The following DHRS4L2 variants were observed in gnomAD, a reference collection of about 807,000 sequenced individuals.
DHRS4L2 encodes the protein dehydrogenase/reductase SDR family member 4-like 2.
In DHRS4L2, 22 loss-of-function variants were observed where a neutral mutation model predicts 23.9. That is an observed-to-expected ratio of 0.92 (90% confidence interval 0.66 to 1.31). The LOEUF (loss-of-function observed/expected upper bound fraction) is 1.31, where lower values mean the gene tolerates loss of function less well. DHRS4L2 is among the 40% of genes most tolerant of loss of function. DHRS4L2 has a pLI of 0.00. For synonymous variants in DHRS4L2, 141 were observed against 123.7 expected (o/e 1.14, Z -0.93); for missense variants, 385 against 303.3 (o/e 1.27, Z -2.00).
chr14:24,001,117 A>G, intron 5 of DHRS4L2, 33 bp downstream of exon 5: 4 of 1,609,096 alleles, frequency 2.5e-6, no homozygotes, highest in Non-Finnish European at 3.4e-6. Context: ...CTTCCATCCC[A>G]CCCTCCACTC....
At chr14:24,004,221 A>G in intron 6 of DHRS4L2, 116 bp from the exon 7 acceptor site, 1 of 1,278,550 alleles carries the variant, frequency 7.8e-7, no homozygotes, top group South Asian at 1.6e-5. Context: ...GTGAGCCAAG[A>G]TAGCGCCACT....
In DHRS4L2 at chr14:24,001,094, C is replaced by T. The variant is rs746513093; in HGVS notation, c.531+10C>T. 5 of 1,610,716 alleles carry T rather than the reference C, an allele frequency of 3.1e-6. No individual in the cohort carries two copies. Among genetic ancestry groups the T allele is most frequent in the Non-Finnish European group, 3.4e-6 (4 of 1,179,304 alleles). The stretch of plus-strand genomic sequence containing the variant: ...CTTCAGTCCATCTCCTGTAAGAACC[C>T]TTTTGTCTACCTCTTCCATCCCACC... On this transcript the variant is annotated intron_variant, in intron 5 of 7. Transcript: ENST00000335125.
chr14:23,991,818 C>A (rs1194149347), intron 2 of DHRS4L2, among the ~76,000 whole-genome samples: 3 of 150,468 alleles, frequency 2.0e-5, no homozygotes, highest in Non-Finnish European at 4.4e-5. Flanking sequence ...CTCACTGCAA[C>A]CTACGCCTCC....
intron 3 of DHRS4L2, among the ~76,000 whole-genome samples, chr14:23,999,368 A>C (rs1213745534): frequency 1.5e-4 from 16 of 103,948 alleles, no homozygotes; most frequent in Admixed American, 3.8e-4. Context: ...AAAAAAAAAA[A>C]AAAAAACAAT....
chr14:23,999,257 C>T, intron 3 of DHRS4L2, among the ~76,000 whole-genome samples: 1 of 145,494 alleles, frequency 6.9e-6, no homozygotes, highest in Non-Finnish European at 1.5e-5. Flanking sequence ...CCAAGAATTA[C>T]CAAAATGTGA....
intron 2 of DHRS4L2, among the ~76,000 whole-genome samples, chr14:23,994,611 C>T (rs2034339926): frequency 6.6e-6 from 1 of 151,574 alleles, no homozygotes; most frequent in South Asian, 2.1e-4. Context: ...TGGCTTGAAC[C>T]CAGTAGGTCA....
intron 3 of DHRS4L2, among the ~76,000 whole-genome samples, chr14:23,996,881 C>T (rs1463131803): frequency 2.0e-5 from 3 of 152,144 alleles, no homozygotes; most frequent in African/African-American, 4.8e-5. Context: ...CTGATCCCCA[C>T]ACCTCAGCCC....
chr14:23,975,050 C>G (rs910728567), intron 1 of DHRS4L2, among the ~76,000 whole-genome samples: 1 of 151,780 alleles, frequency 6.6e-6, no homozygotes, highest in African/African-American at 2.4e-5. Context: ...TCTCTCACCA[C>G]TCTTATTCAA....
At chr14:23,996,305 T>C (rs2034381712) in intron 3 of DHRS4L2, among the ~76,000 whole-genome samples, 1 of 151,422 alleles carries the variant, frequency 6.6e-6, no homozygotes, top group Admixed American at 6.6e-5. Context: ...CATCAAAATT[T>C]CTCAACACTA....
intron 2 of DHRS4L2, among the ~76,000 whole-genome samples, chr14:23,993,360 C>A (rs576029006): frequency 1.3e-5 from 2 of 151,810 alleles, no homozygotes; most frequent in East Asian, 3.9e-4. Flanking sequence ...ACCCAGCATT[C>A]CTTCCACTGT....
intron 1 of DHRS4L2, among the ~76,000 whole-genome samples, chr14:23,973,330 G>C (rs1455391399): frequency 1.3e-5 from 2 of 151,964 alleles, no homozygotes; most frequent in Non-Finnish European, 2.9e-5. Context: ...TGGCCTGCAA[G>C]TGCTGCGCAC....
chr14:23,997,788 G>GA (rs748003133), intron 3 of DHRS4L2, among the ~76,000 whole-genome samples: 14 of 151,536 alleles, frequency 9.2e-5, no homozygotes, highest in Non-Finnish European at 1.9e-4. Context: ...CGTCATCCAT[G>GA]AGGGTTGGAA....
chr14:23,972,543 A>G (rs2033881950), intron 1 of DHRS4L2, among the ~76,000 whole-genome samples: 1 of 151,936 alleles, frequency 6.6e-6, no homozygotes, highest in African/African-American at 2.4e-5. Context: ...CACAGTGTGG[A>G]AGGGGACCCA....
chr14:23,983,256 T>A (rs4048593), intron 1 of DHRS4L2, among the ~76,000 whole-genome samples: 2 of 151,712 alleles, frequency 1.3e-5, no homozygotes, highest in African/African-American at 4.8e-5. Flanking sequence ...AGAAAACATT[T>A]ATGCAGCCAA....
Position 23,990,323 on chromosome 14 carries a change from G to A in DHRS4L2, c.270G>A (p.Val90=). ...GCGTGACGGGCACTGTGTGCCATGT[G>A]GGGAAGGCGGAGGACCGGGAGCGGC... The part of the protein sequence containing the change: ...GLSVTGTVCH[V]GKAEDRERLV... The change falls in exon 2 of 8, where the codon GTG becomes GTA. Residue 90 remains valine (V), a synonymous_variant. Transcript: ENST00000335125. 1 of 1,612,048 alleles carries A rather than the reference G, an allele frequency of 6.2e-7. No homozygotes were observed. Among genetic ancestry groups the A allele is most frequent in the Non-Finnish European group, 8.5e-7 (1 of 1,179,008 alleles).
intron 6 of DHRS4L2, 29 bp from the exon 7 acceptor site, chr14:24,004,308 A>C: frequency 1.9e-6 from 3 of 1,564,404 alleles, no homozygotes; most frequent in Non-Finnish European, 2.6e-6. Context: ...AGAAAAAAAA[A>C]CATAAAGAGA....
At position 23,990,487 on chromosome 14, in the gene DHRS4L2, C is replaced by T. The variant is rs949776148; in HGVS notation, c.306+128C>T. On this transcript the variant is annotated intron_variant, in intron 2 of 7. Transcript: ENST00000335125. ...CCTTTCTATTATGTCCATATACTAA[C>T]GTCAGAGAATCATCCCATCTCAGTC... 243 of 1,366,090 alleles carry T rather than the reference C, an allele frequency of 1.8e-4. 6 individuals are homozygous for T. The highest frequency in any genetic ancestry group is 2.7e-4 in the Middle Eastern group (1 of 3,724). 84.6% of individuals were successfully genotyped at this position (1,366,090 alleles called of 1,614,324 possible). A position where few individuals can be genotyped will look rare whatever the true frequency, so the allele number is the denominator to read the frequency against.
chr14:23,995,360 C>T (rs1408569488), intron 3 of DHRS4L2, among the ~76,000 whole-genome samples: 1 of 151,700 alleles, frequency 6.6e-6, no homozygotes, highest in Admixed American at 6.6e-5. Flanking sequence ...ATCTGCTCTT[C>T]ATTAGCCACT....
upstream of DHRS4L2, chr14:23,988,790 G>T: frequency 7.1e-7 from 1 of 1,403,168 alleles, no homozygotes; most frequent in Non-Finnish European, 9.3e-7. Context: ...GGGGCGACTG[G>T]CGGGCGGCGG....
Sources: allele counts gnomAD v4.1 joint callset (sites outside exome capture counted in the v4.1 genomes callset), GRCh38; gene constraint gnomAD v4.1.1; transcripts MANE v1.5; gene names NCBI Gene and HGNC (gene_info 2026-07-23, HGNC 2026-07-21).